The following VAV2 variants were observed in gnomAD, a reference collection of about 807,000 sequenced individuals.
The protein encoded by VAV2 is vav guanine nucleotide exchange factor 2.
In VAV2, 67 loss-of-function variants were observed where a neutral mutation model predicts 132.5. The observed-to-expected ratio is 0.51, with a 90% CI of 0.42 to 0.62. The LOEUF (loss-of-function observed/expected upper bound fraction) is 0.62, where lower values mean the gene tolerates loss of function less well. Ranked by LOEUF, VAV2 falls within the 20% of genes least tolerant of loss-of-function variation. VAV2 has a pLI of 0.00. For synonymous variants in VAV2, 492 were observed against 443.5 expected, an observed-to-expected ratio of 1.11 and a Z score of -1.37; for missense variants, 938 against 1,153.6, an observed-to-expected ratio of 0.81 and a Z score of 2.71.
rs545193135 is a variant in VAV2, at chr9:133,768,244, C to T, written c.2589+198G>A. On this transcript the variant is annotated intron_variant, in intron 29 of 29. Coordinates refer to ENST00000371850, the MANE Select transcript of VAV2 (RefSeq NM_001134398.2). The surrounding 1 kb of genome is among the most constrained non-coding windows in gnomAD (Gnocchi z 5.3). ...ATTTCTGGCTGTGTGACCTTGGGTT[C>T]GTGGTAAACATCTGGAGCCTCGGTT... Among the ~76,000 whole-genome samples, 4 of 152,276 alleles carry T rather than the reference C, an allele frequency of 2.6e-5. No homozygotes were observed. The highest frequency in any genetic ancestry group is 2.1e-4 in the South Asian group (1 of 4,830).
intron 1 of VAV2, among the ~76,000 whole-genome samples, chr9:133,973,538 C>G (rs1842408589): frequency 6.6e-6 from 1 of 152,198 alleles, no homozygotes; most frequent in African/African-American, 2.4e-5. Flanking sequence ...AAAACCACTC[C>G]CAGAGAGGAA....
At chr9:133,766,759 A>AATAAATATATATATAT (rs1554767605) in intron 29 of VAV2, among the ~76,000 whole-genome samples, 11 of 112,112 alleles carry the variant, frequency 9.8e-5, no homozygotes, top group Non-Finnish European at 1.6e-4. Flanking sequence ...AGTATAAATA[A>AATAAATATATATATAT]ATATATATAT....
Position 133,863,232 on chromosome 9 carries a change from A to C in VAV2, c.322-1800T>G, listed in dbSNP as rs2131873947. ...AGATCCCAAAGGGTTTGGCAACTAC[A>C]GGGCACCCAAGCCCCCTCTCACACA... On this transcript the variant is annotated intron_variant, in intron 2 of 29. Transcript: ENST00000371850. The surrounding 1 kb of genome is among the most constrained non-coding windows in gnomAD (Gnocchi z 5.0). Among the ~76,000 whole-genome samples, 1 of 152,352 alleles carries C rather than the reference A, an allele frequency of 6.6e-6. No homozygotes were observed. Among genetic ancestry groups the C allele is most frequent in the East Asian group, 1.9e-4 (1 of 5,180 alleles).
chr9:133,921,723 G>A (rs748556301), intron 2 of VAV2, among the ~76,000 whole-genome samples: 3 of 152,234 alleles, frequency 2.0e-5, no homozygotes, highest in Non-Finnish European at 4.4e-5. Context: ...CTGACCAAGT[G>A]CTCTCAGCAG....
Position 133,763,671 on chromosome 9 carries a change from C to T in VAV2, c.*391G>A. 1 of 256,292 alleles carries T rather than the reference C, an allele frequency of 3.9e-6. No individual in the cohort carries two copies. 15.9% of individuals were successfully genotyped at this position (256,292 alleles called of 1,614,324 possible). ...TGTGGGGGCAGGTCCCCTCCGATGTCCCTAGCCCTTCCTGGGACAGCATCT... is the reference window on the plus strand; with the variant it reads ...TGTGGGGGCAGGTCCCCTCCGATGTTCCTAGCCCTTCCTGGGACAGCATCT... On this transcript the variant is annotated 3_prime_UTR_variant, in exon 30 of 30. Transcript: ENST00000371850. The surrounding 1 kb of genome is among the most constrained non-coding windows in gnomAD (Gnocchi z 6.8).
intron 2 of VAV2, among the ~76,000 whole-genome samples, chr9:133,876,776 C>T (rs1210708351): frequency 6.6e-6 from 1 of 152,228 alleles, no homozygotes; most frequent in African/African-American, 2.4e-5. Flanking sequence ...AGAGAGGACA[C>T]AGCCAGAACT....
chr9:133,809,208 G>A (rs373184572), intron 6 of VAV2, 70 bp from the exon 7 acceptor site: 30 of 1,339,256 alleles, frequency 2.2e-5, no homozygotes, highest in Middle Eastern at 1.8e-4. Flanking sequence ...CATCTGCACC[G>A]CGACACCCGG....
At chr9:133,765,959 A>G (rs1244429282) in intron 29 of VAV2, among the ~76,000 whole-genome samples, 3 of 152,252 alleles carry the variant, frequency 2.0e-5, no homozygotes, top group African/African-American at 7.2e-5. Flanking sequence ...ATTATGTTAC[A>G]AACATTTTAC....
At chr9:133,869,610 A>C (rs542265776) in intron 2 of VAV2, among the ~76,000 whole-genome samples, 1 of 152,252 alleles carries the variant, frequency 6.6e-6, no homozygotes, top group South Asian at 2.1e-4. Flanking sequence ...ACCCTATCTC[A>C]AAAATAAGTA....
chr9:133,825,682 G>T (rs113800727), intron 4 of VAV2, among the ~76,000 whole-genome samples: 1 of 152,150 alleles, frequency 6.6e-6, no homozygotes, highest in Admixed American at 6.5e-5. Flanking sequence ...TGAGGACAAC[G>T]GCGGGGAGGG....
At chr9:133,767,103 A>G (rs1003035300) in intron 29 of VAV2, among the ~76,000 whole-genome samples, 1 of 152,144 alleles carries the variant, frequency 6.6e-6, no homozygotes, top group Non-Finnish European at 1.5e-5. Flanking sequence ...ACAACTAGAA[A>G]ATAAAGTTAG....
chr9:133,921,701 G>C (rs1840302153), intron 2 of VAV2, among the ~76,000 whole-genome samples: 1 of 152,222 alleles, frequency 6.6e-6, no homozygotes, highest in African/African-American at 2.4e-5. Context: ...ATACGGCCCA[G>C]GCCCTGCTCC....
chr9:133,870,751 G>A (rs1837994147), intron 2 of VAV2, among the ~76,000 whole-genome samples: 1 of 150,104 alleles, frequency 6.7e-6, no homozygotes, highest in Admixed American at 6.6e-5. Flanking sequence ...GTGGACAGGT[G>A]GGTGGATGGA....
At position 133,768,611 on chromosome 9, in the gene VAV2, G is replaced by A. The variant is rs1342785635; in HGVS notation, c.2435-15C>T. 3 of 1,611,566 alleles carry A rather than the reference G, an allele frequency of 1.9e-6. No individual in the cohort carries two copies. The highest frequency in any genetic ancestry group is 3.3e-5 in the Admixed American group (2 of 59,894). On this transcript the variant is annotated splice_polypyrimidine_tract_variant and intron_variant, in intron 28 of 29. Transcript: ENST00000371850. This position sits in a 1 kb window ranked among gnomAD's most constrained non-coding sequence, Gnocchi z 5.3. ...GGGCGTGAACACTGTTGAGGGAGATGGGCAGCATCACACAGCTGCAGGAGG... is the reference window on the plus strand; with the variant it reads ...GGGCGTGAACACTGTTGAGGGAGATAGGCAGCATCACACAGCTGCAGGAGG...
chr9:133,981,975 A>T (rs1842708726), intron 1 of VAV2, among the ~76,000 whole-genome samples: 1 of 152,272 alleles, frequency 6.6e-6, no homozygotes, highest in Admixed American at 6.5e-5. Context: ...CTGTTGGACC[A>T]GCCCCTGCCA....
chr9:133,977,822 G>A (rs752977120), intron 1 of VAV2, among the ~76,000 whole-genome samples: 17 of 152,218 alleles, frequency 1.1e-4, no homozygotes, highest in Non-Finnish European at 2.2e-4. Flanking sequence ...CGAGGTCAAG[G>A]GGGCAGCACC....
rs773616164 is a variant in VAV2, at chr9:133,811,532, G to A, written c.552+582C>T. Among the ~76,000 whole-genome samples the A allele has an allele frequency of 7.9e-5, 12 of 152,190 alleles. 1 individual carries two copies. The highest frequency in any genetic ancestry group is 1.7e-4 in the African/African-American group (7 of 41,452). On this transcript the variant is annotated intron_variant, in intron 5 of 29. Coordinates refer to ENST00000371850, the MANE Select transcript of VAV2 (RefSeq NM_001134398.2). ...GTCCCTGTCTCCTCATTCCAGCTCC[G>A]CTGGATCCCCACCTTCCACATAGCA... is the stretch of plus-strand genomic sequence containing the variant.
At chr9:133,795,888 C>T (rs1834694023) in intron 11 of VAV2, 152 bp from the exon 12 acceptor site, 1 of 740,442 alleles carries the variant, frequency 1.4e-6, no homozygotes, top group Non-Finnish European at 2.2e-6. Context: ...CTGCCCGACA[C>T]CAAAGGACAG....
At position 133,767,196 on chromosome 9, in the gene VAV2, C is replaced by T. The variant is rs376924918; in HGVS notation, c.2589+1246G>A. ...CTATTAAAAGCCAAAGACTGTCAGA[C>T]CAGACTGGCTTCCCCAACTATTTAT... On this transcript the variant is annotated intron_variant, in intron 29 of 29. Transcript: ENST00000371850. Among the ~76,000 whole-genome samples the T allele has an allele frequency of 8.8e-4, 134 of 152,188 alleles. 2 individuals carry two copies. The South Asian group carries it at 0.027, about 31-fold the overall frequency.
Sources: allele counts gnomAD v4.1 joint callset (sites outside exome capture counted in the v4.1 genomes callset), GRCh38; gene constraint gnomAD v4.1.1; non-coding constraint Gnocchi (gnomAD v3.1); transcripts MANE v1.5; gene names NCBI Gene and HGNC (gene_info 2026-07-23, HGNC 2026-07-21).